EGFL6: variants seen among roughly 807,000 people sequenced by gnomAD.
The protein encoded by EGFL6 is EGF like domain multiple 6, also known as epidermal growth factor-like protein 6.
A neutral mutation model predicts 43.1 loss-of-function variants in EGFL6; 42 were observed. The observed-to-expected ratio is 0.98, with a 90% CI of 0.76 to 1.26. The LOEUF (loss-of-function observed/expected upper bound fraction) is 1.26. EGFL6 is among the 50% of genes most tolerant of loss of function. The pLI is 0.00. For synonymous variants in EGFL6, 164 were observed against 163.2 expected, an observed-to-expected ratio of 1.01 and a Z score of -0.04; for missense variants, 429 against 427.8, an observed-to-expected ratio of 1.00 and a Z score of -0.02.
intron 11 of EGFL6, 66 bp from the exon 12 acceptor site, chrX:13,632,919 A>G (rs1392005092): frequency 9.7e-7 from 1 of 1,031,742 alleles, no homozygotes; most frequent in African/African-American, 1.9e-5. Context: ...TAGCTATTAA[A>G]TAGCTTGATT....
rs978862051 is a variant in EGFL6, at chrX:13,605,844, G to A, written c.521-535G>A. Among the ~76,000 whole-genome samples, 3 of 112,366 alleles carry A rather than the reference G, an allele frequency of 2.7e-5. No homozygotes were observed. The Admixed American group carries it at 2.8e-4, about 11-fold the overall frequency. On this transcript the variant is annotated intron_variant, in intron 5 of 11. Coordinates refer to ENST00000361306, the MANE Select transcript of EGFL6 (RefSeq NM_015507.4). Reference sequence around the variant, plus strand: ...CACCTGACCCACAATTTATGCATAAGTGCATGCCTTCACAACCACATTTCT... The same window carrying A: ...CACCTGACCCACAATTTATGCATAAATGCATGCCTTCACAACCACATTTCT...
Position 13,604,187 on chromosome X carries a change from A to G in EGFL6, c.520+751A>G, listed in dbSNP as rs755229025. Among the ~76,000 whole-genome samples the G allele has an allele frequency of 2.8e-4, 31 of 111,409 alleles. No individual in the cohort carries two copies. In the South Asian group the frequency reaches 0.011, roughly 41 times the overall value. On this transcript the variant is annotated intron_variant, in intron 5 of 11. Transcript: ENST00000361306. ...AATCCCAGCCTGAAATTCATTCACT[A>G]AGGAATAAAATATTTATTTCACATA... is the stretch of plus-strand genomic sequence containing the variant.
At chrX:13,577,298 TTATATATATATATATATATATATA>T (rs1199851773) in intron 1 of EGFL6, among the ~76,000 whole-genome samples, 4 of 24,460 alleles carry the variant, frequency 1.6e-4, no homozygotes, top group Admixed American at 9.4e-4. Flanking sequence ...TATATGAATT[TTATATATATATATATATATATATA>T]TATATATATA....
intron 1 of EGFL6, among the ~76,000 whole-genome samples, chrX:13,578,063 A>T (rs766183905): frequency 8.9e-6 from 1 of 112,566 alleles, no homozygotes; most frequent in South Asian, 3.7e-4. Flanking sequence ...CTCAGATTTA[A>T]TGAATTTAAG....
chrX:13,574,808 G>A (rs2045462447), intron 1 of EGFL6: 1 of 119,895 alleles, frequency 8.3e-6, no homozygotes, highest in South Asian at 2.7e-4. Context: ...ACATGCTGGA[G>A]TACAAGAAGA....
intron 1 of EGFL6, among the ~76,000 whole-genome samples, chrX:13,583,197 C>T (rs765233469): frequency 1.8e-5 from 2 of 110,616 alleles, no homozygotes; most frequent in African/African-American, 6.6e-5. Context: ...CTCAAATTTT[C>T]AGGCCACCAA....
At chrX:13,597,292 T>C in intron 3 of EGFL6, among the ~76,000 whole-genome samples, 1 of 111,592 alleles carries the variant, frequency 9.0e-6, no homozygotes, top group Non-Finnish European at 1.9e-5. Context: ...GGACACCCAC[T>C]CCACTCTACC....
rs2045824957 is a variant in EGFL6, at chrX:13,633,421, A to G, written c.*326A>G. The G allele has an allele frequency of 6.9e-6, 1 of 145,959 alleles. No individual in the cohort carries two copies. The highest frequency in any genetic ancestry group is 1.3e-5 in the Non-Finnish European group (1 of 75,667). The allele number at this position is 145,959 out of a possible 1,213,427, so 12.0% of individuals were successfully genotyped here. A position where few individuals can be genotyped will look rare whatever the true frequency, so the allele number is the denominator to read the frequency against. ...TACAACATTTCTAGAAAATAGAAAAAAAAGCACAGAGAAATGTTTAACTGT... is the reference window on the plus strand; with the variant it reads ...TACAACATTTCTAGAAAATAGAAAAGAAAGCACAGAGAAATGTTTAACTGT... On this transcript the variant is annotated 3_prime_UTR_variant, in exon 12 of 12. Coordinates refer to ENST00000361306, the MANE Select transcript of EGFL6 (RefSeq NM_015507.4).
In EGFL6 at chrX:13,577,439, G is replaced by A. The variant is rs969376528; in HGVS notation, c.74+7504G>A. On this transcript the variant is annotated intron_variant, in intron 1 of 11. Coordinates refer to ENST00000361306, the MANE Select transcript of EGFL6 (RefSeq NM_015507.4). The stretch of plus-strand genomic sequence containing the variant: ...ATAAAACTATAAGTTTATATAGGGT[G>A]TATATATATACATATTATATATATA... Among the ~76,000 whole-genome samples, 10 of 103,087 alleles carry A rather than the reference G, an allele frequency of 9.7e-5. No homozygotes were observed. The East Asian group carries it at 1.2e-3, about 12-fold the overall frequency. The allele number at this position is 103,087 out of a possible 115,157, so 89.5% of individuals were successfully genotyped here. A position where few individuals can be genotyped will look rare whatever the true frequency, so the allele number is the denominator to read the frequency against.
intron 2 of EGFL6, among the ~76,000 whole-genome samples, chrX:13,593,346 G>T (rs184330659): frequency 1.5e-4 from 17 of 112,016 alleles, no homozygotes; most frequent in African/African-American, 5.2e-4. Context: ...TTAATGTCGT[G>T]TCTGACATAA....
intron 7 of EGFL6, among the ~76,000 whole-genome samples, chrX:13,609,357 A>G (rs1045600537): frequency 8.9e-6 from 1 of 112,690 alleles, no homozygotes; most frequent in Non-Finnish European, 1.9e-5. Flanking sequence ...AAAAGAGAAG[A>G]AAACTAGAAA....
chrX:13,576,941 G>A lies in EGFL6; in HGVS notation c.74+7006G>A, dbSNP rs373791996. Among the ~76,000 whole-genome samples, 96 of 111,025 alleles carry A rather than the reference G, an allele frequency of 8.6e-4. No homozygotes were observed. The South Asian group carries it at 0.027, about 31-fold the overall frequency. ...CAGTTAACTTGCTGGGTCCCAGTGG[G>A]TAAGTTTTAATAACTGACCTGTTTT... is the stretch of plus-strand genomic sequence containing the variant. On this transcript the variant is annotated intron_variant, in intron 1 of 11. Coordinates refer to ENST00000361306, the MANE Select transcript of EGFL6 (RefSeq NM_015507.4).
intron 11 of EGFL6, among the ~76,000 whole-genome samples, chrX:13,628,773 C>T (rs1412020748): frequency 9.0e-6 from 1 of 111,307 alleles, no homozygotes; most frequent in Non-Finnish European, 1.9e-5. Flanking sequence ...TGCCATTGCA[C>T]TCAAGCCTGG....
chrX:13,600,477 G>A (rs780747536), intron 4 of EGFL6, among the ~76,000 whole-genome samples: 2 of 106,814 alleles, frequency 1.9e-5, no homozygotes, highest in Non-Finnish European at 3.9e-5. Context: ...AGTAGAGATG[G>A]GGTTTCTTCG....
chrX:13,619,842 G>C (rs192007546), intron 9 of EGFL6, among the ~76,000 whole-genome samples: 3 of 111,387 alleles, frequency 2.7e-5, no homozygotes, highest in African/African-American at 9.8e-5. Context: ...TGAGGCCTCA[G>C]TTGGGAGGAT....
chrX:13,621,348 G>A (rs2045747592), intron 9 of EGFL6, among the ~76,000 whole-genome samples: 1 of 111,997 alleles, frequency 8.9e-6, no homozygotes, highest in Non-Finnish European at 1.9e-5. Context: ...GAAGGAGTAA[G>A]GAGGCTGGGG....
chrX:13,573,101 A>G (rs2045451794), intron 1 of EGFL6, among the ~76,000 whole-genome samples: 2 of 112,001 alleles, frequency 1.8e-5, no homozygotes, highest in African/African-American at 6.5e-5. Flanking sequence ...GCCCACTCGG[A>G]TAATTCAGGA....
At chrX:13,594,953 A>G (rs757029070) in intron 3 of EGFL6, 25 bp downstream of exon 3, 4 of 1,135,382 alleles carry the variant, frequency 3.5e-6, no homozygotes, top group African/African-American at 1.8e-5. Context: ...CCAGGGTCAT[A>G]GTTCAAATTC....
intron 1 of EGFL6, among the ~76,000 whole-genome samples, chrX:13,588,045 C>A (rs943209003): frequency 8.9e-6 from 1 of 112,119 alleles, no homozygotes; most frequent in African/African-American, 3.2e-5. Flanking sequence ...CAACAACAAA[C>A]AATGATCTGG....
Sources: gnomAD v4.1 joint callset for allele counts (sites outside exome capture counted in the v4.1 genomes callset) on GRCh38, gnomAD v4.1.1 for gene constraint, MANE v1.5 for transcripts, NCBI Gene and HGNC (gene_info 2026-07-23, HGNC 2026-07-21) for gene names.